ZC4H2: variants seen among roughly 807,000 people sequenced by gnomAD.
The protein encoded by ZC4H2 is zinc finger C4H2 domain-containing protein.
For synonymous variants in ZC4H2, 84 were observed against 66.3 expected, an observed-to-expected ratio of 1.27 and a Z score of -1.30; for missense variants, 137 against 173.9, an observed-to-expected ratio of 0.79 and a Z score of 1.19.
intron 1 of ZC4H2, among the ~76,000 whole-genome samples, chrX:64,957,713 T>G (rs1931210963): frequency 9.2e-6 from 1 of 108,908 alleles, no homozygotes; most frequent in African/African-American, 3.3e-5. Context: ...AATATATAAA[T>G]TAGCCAGGTG....
chrX:65,019,624 T>G (rs1434155333), intron 1 of ZC4H2, among the ~76,000 whole-genome samples: 1 of 112,121 alleles, frequency 8.9e-6, no homozygotes, highest in South Asian at 3.7e-4. Context: ...AGAACGCCTC[T>G]TCTCCTCCAA....
At chrX:64,984,016 G>A (rs1187484687) in intron 1 of ZC4H2, among the ~76,000 whole-genome samples, 3 of 111,410 alleles carry the variant, frequency 2.7e-5, no homozygotes, top group African/African-American at 9.8e-5. Context: ...TGGGGGTTGA[G>A]CTTCTAGCAT....
At chrX:64,975,449 A>C (rs1931916404) in intron 1 of ZC4H2, among the ~76,000 whole-genome samples, 1 of 111,261 alleles carries the variant, frequency 9.0e-6, no homozygotes, top group Non-Finnish European at 1.9e-5. Context: ...CTCAGAAAAC[A>C]CTCCAGGGAG....
At chrX:65,020,632 T>C (rs1320353097) in intron 1 of ZC4H2, among the ~76,000 whole-genome samples, 2 of 111,292 alleles carry the variant, frequency 1.8e-5, no homozygotes, top group African/African-American at 6.5e-5. Context: ...CATCAACTAA[T>C]GGGAAAAATA....
At chrX:64,950,563 T>C (rs1930753141) in intron 1 of ZC4H2, among the ~76,000 whole-genome samples, 1 of 111,316 alleles carries the variant, frequency 9.0e-6, no homozygotes, top group Non-Finnish European at 1.9e-5. Context: ...TTAGGATAGT[T>C]AGCTCTTCTT....
chrX:64,954,660 C>T (rs1455090432), intron 1 of ZC4H2, among the ~76,000 whole-genome samples: 2 of 107,088 alleles, frequency 1.9e-5, no homozygotes, highest in Non-Finnish European at 3.8e-5. Context: ...ATTGAAAGGT[C>T]CCTGAAAATC....
intron 1 of ZC4H2, among the ~76,000 whole-genome samples, chrX:65,018,148 A>T (rs1450680286): frequency 1.8e-5 from 2 of 112,759 alleles, no homozygotes; most frequent in African/African-American, 6.4e-5. Flanking sequence ...TAACTCCATT[A>T]AAAAGTGGGC....
chrX:64,953,973 G>C (rs1472371123), intron 1 of ZC4H2, among the ~76,000 whole-genome samples: 2 of 110,315 alleles, frequency 1.8e-5, no homozygotes, highest in African/African-American at 6.6e-5. Flanking sequence ...ATACACCGTG[G>C]AATACTATGC....
rs1286810537 is a variant in ZC4H2 at position 64,932,134 on chromosome X, T to C, written c.54-10146A>G. Reference sequence around the variant, plus strand: ...TTGCTTGTCTTTTTTTTTTAAACTGTTGTTGCTTTAAAGTCTGTTTTGTCT... The same window carrying C: ...TTGCTTGTCTTTTTTTTTTAAACTGCTGTTGCTTTAAAGTCTGTTTTGTCT... On this transcript the variant is annotated intron_variant, in intron 1 of 4. Coordinates refer to ENST00000374839, the MANE Select transcript of ZC4H2 (RefSeq NM_018684.4). 2.7e-5 allele frequency among the ~76,000 whole-genome samples: 3 copies of C among 111,118 alleles called. No homozygotes were observed. The East Asian group carries it at 8.5e-4, about 31-fold the overall frequency.
intron 1 of ZC4H2, among the ~76,000 whole-genome samples, chrX:64,952,506 C>A (rs1016280405): frequency 9.0e-6 from 1 of 110,728 alleles, no homozygotes; most frequent in African/African-American, 3.3e-5. Flanking sequence ...AAATCACAAG[C>A]ATTCTTATAC....
At position 65,004,196 on chromosome X, in the gene ZC4H2, G is replaced by A. The variant is rs186041774; in HGVS notation, c.-272+30433C>T. 1.5e-3 allele frequency among the ~76,000 whole-genome samples: 167 copies of A among 111,686 alleles called. 2 individuals are homozygous for A. Among genetic ancestry groups the A allele is most frequent in the African/African-American group, 5.3e-3 (164 of 30,667 alleles). On this transcript the variant is annotated intron_variant, in intron 1 of 4. Transcript: ENST00000337990. ...ATTCTTTCTGAACCTATTCCAAACA[G>A]TAGAAATAGAGGGACTCCTCCATAA...
chrX:64,977,518 G>A (rs1026429454), upstream of ZC4H2, among the ~76,000 whole-genome samples: 1 of 111,904 alleles, frequency 8.9e-6, no homozygotes, highest in Non-Finnish European at 1.9e-5. Flanking sequence ...ATTTATTTAT[G>A]AGACAGTCTC....
chrX:64,994,724 A>G (rs1932377898), intron 1 of ZC4H2, among the ~76,000 whole-genome samples: 1 of 111,588 alleles, frequency 9.0e-6, no homozygotes, highest in Non-Finnish European at 1.9e-5. Context: ...ACAAATACTT[A>G]TGGTAGATTC....
chrX:65,009,892 T>G (rs1932731304), intron 1 of ZC4H2, among the ~76,000 whole-genome samples: 2 of 112,151 alleles, frequency 1.8e-5, no homozygotes, highest in African/African-American at 6.5e-5. Context: ...CAGCCTAACT[T>G]GTTGTCTTGC....
At chrX:65,004,961 T>C (rs1299781054) in intron 1 of ZC4H2, among the ~76,000 whole-genome samples, 2 of 111,610 alleles carry the variant, frequency 1.8e-5, no homozygotes, top group African/African-American at 6.5e-5. Flanking sequence ...AGCCAAATCA[T>C]GAGTGAACTC....
chrX:64,960,742 A>G (rs868107315), intron 1 of ZC4H2, among the ~76,000 whole-genome samples: 5 of 112,263 alleles, frequency 4.5e-5, no homozygotes, highest in Non-Finnish European at 9.4e-5. Context: ...CAGGAAAAAT[A>G]TAACCCTTAA....
chrX:64,970,929 G>C (rs1004918081), intron 1 of ZC4H2, among the ~76,000 whole-genome samples: 36 of 111,768 alleles, frequency 3.2e-4, no homozygotes, highest in African/African-American at 1.2e-3. Context: ...AACACCGATA[G>C]GTAAATGTGT....
chrX:65,020,410 CCCAGAATTTCA>C (rs2147291450), intron 1 of ZC4H2, among the ~76,000 whole-genome samples: 1 of 111,689 alleles, frequency 9.0e-6, no homozygotes, highest in African/African-American at 3.3e-5. Flanking sequence ...GAATTTTCAA[CCCAGAATTTCA>C]TATCCAGTCA....
chrX:64,989,605 C>G (rs1932269104), intron 1 of ZC4H2, among the ~76,000 whole-genome samples: 1 of 111,841 alleles, frequency 8.9e-6, no homozygotes. Context: ...AAGGTATACA[C>G]TAGGAGAAAA....
Sources: allele counts gnomAD v4.1 joint callset (sites outside exome capture counted in the v4.1 genomes callset), GRCh38; gene constraint gnomAD v4.1.1; transcripts MANE v1.5; gene names NCBI Gene and HGNC (gene_info 2026-07-23, HGNC 2026-07-21).